RBFOX1: variants seen among roughly 807,000 people sequenced by gnomAD.
The protein encoded by RBFOX1 is RNA binding protein fox-1 homolog 1.
Under a neutral mutation model 57.7 loss-of-function variants are expected in RBFOX1, and 8 were observed. That is an observed-to-expected ratio of 0.14 (90% CI 0.08 to 0.25). The LOEUF (loss-of-function observed/expected upper bound fraction) is 0.25, where lower values mean the gene tolerates loss of function less well. Among genes scored for constraint, RBFOX1 ranks in the 10% least tolerant of loss-of-function variants. The probability of loss-of-function intolerance (pLI) is 1.00; values close to 1 mark genes in which losing one functional copy is unlikely to be tolerated. For synonymous variants in RBFOX1, 326 were observed against 222.4 expected (o/e 1.47, Z -4.15); for missense variants, 611 against 548.5 (o/e 1.11, Z -1.14).
chr16:5,503,947 C>G (rs987205536), intron 2 of RBFOX1, among the ~76,000 whole-genome samples: 1 of 152,212 alleles, frequency 6.6e-6, no homozygotes, highest in Non-Finnish European at 1.5e-5. Context: ...TAAATAGCCT[C>G]CTTTCTTCTT....
At chr16:5,697,773 C>T (rs1304353673) in intron 3 of RBFOX1, among the ~76,000 whole-genome samples, 1 of 152,048 alleles carries the variant, frequency 6.6e-6, no homozygotes, top group Non-Finnish European at 1.5e-5. Context: ...TCCTCATGAT[C>T]TGCCTGCCTC....
chr16:7,292,765 T>G (rs2095817731), intron 4 of RBFOX1, among the ~76,000 whole-genome samples: 1 of 152,078 alleles, frequency 6.6e-6, no homozygotes, highest in Non-Finnish European at 1.5e-5. Flanking sequence ...TTGAATTATT[T>G]TATCTGATAC....
At chr16:5,757,714 G>T (rs2151635811) in intron 3 of RBFOX1, among the ~76,000 whole-genome samples, 1 of 152,338 alleles carries the variant, frequency 6.6e-6, no homozygotes, top group Middle Eastern at 3.4e-3. Flanking sequence ...ACAGTGCTAT[G>T]AAGTTGGTCC....
chr16:5,289,154 A>G, intron 1 of RBFOX1: 1 of 225,568 alleles, frequency 4.4e-6, no homozygotes, highest in Non-Finnish European at 9.2e-6. Flanking sequence ...CAACAATAAC[A>G]TTAAAAAACC....
intron 4 of RBFOX1, among the ~76,000 whole-genome samples, chr16:7,403,574 C>A (rs1472278530): frequency 6.8e-5 from 8 of 118,208 alleles, no homozygotes; most frequent in African/African-American, 2.2e-4. Flanking sequence ...CCCCCCCCCC[C>A]ACTTTTTTTT....
chr16:5,645,846 A>G (rs1039346257), intron 3 of RBFOX1, among the ~76,000 whole-genome samples: 1 of 152,154 alleles, frequency 6.6e-6, no homozygotes, highest in African/African-American at 2.4e-5. Context: ...TTTTAAAAAA[A>G]TTTCATAGAC....
At chr16:6,511,860 A>T (rs2153779861) in intron 2 of RBFOX1, among the ~76,000 whole-genome samples, 1 of 152,262 alleles carries the variant, frequency 6.6e-6, no homozygotes, top group South Asian at 2.1e-4. Context: ...TAATATCTTG[A>T]TTCAGTAGGA....
intron 4 of RBFOX1, among the ~76,000 whole-genome samples, chr16:7,219,522 A>G (rs777338206): frequency 4.6e-5 from 7 of 152,184 alleles, no homozygotes; most frequent in Admixed American, 1.3e-4. Flanking sequence ...TAAGGGTGTA[A>G]TGTGCAAGAG....
At chr16:5,883,579 A>G (rs1412420440) in intron 4 of RBFOX1, among the ~76,000 whole-genome samples, 1 of 152,116 alleles carries the variant, frequency 6.6e-6, no homozygotes, top group Non-Finnish European at 1.5e-5. Context: ...ATTTGAACAC[A>G]CATGTCTCTC....
intron 3 of RBFOX1, among the ~76,000 whole-genome samples, chr16:6,660,768 AT>A: frequency 8.0e-6 from 1 of 124,600 alleles, no homozygotes; most frequent in Admixed American, 8.5e-5. Flanking sequence ...GGTTATTTTT[AT>A]TTTTGCTGGT....
At chr16:7,405,946 G>A (rs901950329) in intron 4 of RBFOX1, among the ~76,000 whole-genome samples, 5 of 152,288 alleles carry the variant, frequency 3.3e-5, no homozygotes, top group African/African-American at 1.2e-4. Context: ...CGACTGGGCA[G>A]TTGAGGGATG....
chr16:6,487,246 T>G (rs925511332), intron 2 of RBFOX1, among the ~76,000 whole-genome samples: 2 of 151,452 alleles, frequency 1.3e-5, no homozygotes, highest in Non-Finnish European at 2.9e-5. Flanking sequence ...CAAAACTAGG[T>G]TATGAATTCA....
intron 3 of RBFOX1, among the ~76,000 whole-genome samples, chr16:6,945,160 G>T (rs567717861): frequency 6.6e-6 from 1 of 152,040 alleles, no homozygotes; most frequent in African/African-American, 2.4e-5. Flanking sequence ...ATGAGAGTAT[G>T]GGGAAAAAAG....
chr16:7,084,799 T>G (rs986236184), intron 4 of RBFOX1, among the ~76,000 whole-genome samples: 1 of 152,296 alleles, frequency 6.6e-6, no homozygotes, highest in East Asian at 1.9e-4. Context: ...GTGTTCATAT[T>G]CCCCCCTCTC....
intron 3 of RBFOX1, among the ~76,000 whole-genome samples, chr16:5,825,684 C>A (rs2056013886): frequency 6.6e-6 from 1 of 152,092 alleles, no homozygotes; most frequent in African/African-American, 2.4e-5. Flanking sequence ...TTTTCATCAC[C>A]CCAAAGTAAA....
intron 2 of RBFOX1, among the ~76,000 whole-genome samples, chr16:5,500,106 T>A (rs1181385415): frequency 2.4e-5 from 3 of 125,106 alleles, no homozygotes; most frequent in Non-Finnish European, 4.8e-5. Flanking sequence ...TTCCCTCCCT[T>A]CCCTCCCTTC....
At chr16:7,339,367 A>G (rs1176779906) in intron 4 of RBFOX1, among the ~76,000 whole-genome samples, 1 of 152,226 alleles carries the variant, frequency 6.6e-6, no homozygotes, top group Non-Finnish European at 1.5e-5. Flanking sequence ...ATTCTAACAC[A>G]TGGGAAAAGC....
intron 10 of RBFOX1, among the ~76,000 whole-genome samples, chr16:7,623,191 A>G (rs150865475): frequency 2.5e-4 from 38 of 152,284 alleles, no homozygotes; most frequent in Non-Finnish European, 4.7e-4. Context: ...ATGGCTTAAC[A>G]AGCAGTTCCC....
At chr16:6,596,553 C>G (rs1024313525) in intron 2 of RBFOX1, among the ~76,000 whole-genome samples, 1 of 143,378 alleles carries the variant, frequency 7.0e-6, no homozygotes, top group Non-Finnish European at 1.5e-5. Flanking sequence ...GCATCAGCCT[C>G]AACTCTAGGA....
Sources: gnomAD v4.1 joint callset for allele counts (sites outside exome capture counted in the v4.1 genomes callset) on GRCh38, gnomAD v4.1.1 for gene constraint, MANE v1.5 for transcripts, NCBI Gene and HGNC (gene_info 2026-07-23, HGNC 2026-07-21) for gene names.